DDX10: variants seen among roughly 807,000 people sequenced by gnomAD.
DDX10 encodes probable ATP-dependent RNA helicase DDX10.
A neutral mutation model predicts 104.3 loss-of-function variants in DDX10; 74 were observed. The ratio of observed to expected loss-of-function variants is 0.71; its 90% CI spans 0.59 to 0.86. The LOEUF (loss-of-function observed/expected upper bound fraction) is 0.86, where lower values mean the gene tolerates loss of function less well. Ranked by LOEUF, DDX10 falls within the 40% of genes least tolerant of loss-of-function variation. DDX10 has a pLI of 0.00. For synonymous variants in DDX10, 351 were observed against 353.4 expected (o/e 0.99, Z 0.08); for missense variants, 952 against 1,040.0 (o/e 0.92, Z 1.16).
In DDX10 at chr11:108,852,229, T is replaced by G; in HGVS notation, c.2304+20T>G. The G allele has an allele frequency of 6.3e-7, 1 of 1,597,556 alleles. No individual in the cohort carries two copies. On this transcript the variant is annotated intron_variant, in intron 16 of 17. Coordinates refer to ENST00000322536, the MANE Select transcript of DDX10 (RefSeq NM_004398.4). ...GCAAAGGTAAGGGTTTATATACATT[T>G]ATTTTTCCAAGCTCTATTAAGGTAG...
At chr11:108,809,529 A>T (rs1862148725) in intron 13 of DDX10, among the ~76,000 whole-genome samples, 1 of 152,204 alleles carries the variant, frequency 6.6e-6, no homozygotes, top group Admixed American at 6.5e-5. Flanking sequence ...AAATTAAAGG[A>T]TAGGAGTGAA....
intron 13 of DDX10, among the ~76,000 whole-genome samples, chr11:108,734,674 A>T (rs930748748): frequency 3.3e-5 from 5 of 151,946 alleles, no homozygotes; most frequent in African/African-American, 1.2e-4. Context: ...CTGAATTTTT[A>T]AATCTACTTT....
chr11:108,853,685 A>G (rs1400912754), intron 16 of DDX10, among the ~76,000 whole-genome samples: 2 of 152,136 alleles, frequency 1.3e-5, no homozygotes, highest in African/African-American at 4.8e-5. Context: ...AAAAAATGAT[A>G]AAGTTGTCAC....
At chr11:108,913,082 A>C (rs1423340175) in intron 16 of DDX10, among the ~76,000 whole-genome samples, 1 of 152,216 alleles carries the variant, frequency 6.6e-6, no homozygotes, top group Non-Finnish European at 1.5e-5. Flanking sequence ...AACATCTGAG[A>C]CAAATCTCAA....
chr11:108,843,032 T>A (rs925812831), intron 15 of DDX10, among the ~76,000 whole-genome samples: 105 of 152,390 alleles, frequency 6.9e-4, no homozygotes, highest in African/African-American at 2.4e-3. Context: ...CAAATTGTAC[T>A]TGTTTTATAC....
At chr11:108,720,722 C>T (rs1223762506) in intron 12 of DDX10, among the ~76,000 whole-genome samples, 2 of 151,992 alleles carry the variant, frequency 1.3e-5, no homozygotes, top group Non-Finnish European at 2.9e-5. Context: ...TCCTGAGTAG[C>T]TGGGACTACA....
At chr11:108,747,384 C>A (rs1423502151) in intron 13 of DDX10, among the ~76,000 whole-genome samples, 2 of 151,982 alleles carry the variant, frequency 1.3e-5, no homozygotes, top group African/African-American at 4.8e-5. Context: ...GCTCAGTTGG[C>A]CAGAGTGCAG....
chr11:108,716,523 G>A (rs1391346169), intron 11 of DDX10, among the ~76,000 whole-genome samples: 1 of 152,114 alleles, frequency 6.6e-6, no homozygotes, highest in Non-Finnish European at 1.5e-5. Flanking sequence ...ATGCACAGTG[G>A]CCTGATTTCT....
intron 13 of DDX10, among the ~76,000 whole-genome samples, chr11:108,810,494 T>A (rs546520491): frequency 1.1e-4 from 16 of 152,182 alleles, no homozygotes; most frequent in South Asian, 4.1e-4. Context: ...TGTGTGTGTG[T>A]GAGAGAGAGA....
Position 108,675,447 on chromosome 11 carries a change from T to C in DDX10, c.248-149T>C, listed in dbSNP as rs992933161. On this transcript the variant is annotated intron_variant, in intron 2 of 17. Transcript: ENST00000322536. ...GGGGCTCTAACTTAATCAACCTCTT[T>C]AAAGGCCCTGTCTCCAAGTATAGTT... 5 of 798,966 alleles carry C rather than the reference T, an allele frequency of 6.3e-6. No individual in the cohort carries two copies. The Admixed American group carries it at 9.3e-5, about 15-fold the overall frequency. The allele number at this position is 798,966 out of a possible 1,614,324, so 49.5% of individuals were successfully genotyped here. A position where few individuals can be genotyped will look rare whatever the true frequency, so the allele number is the denominator to read the frequency against.
intron 13 of DDX10, among the ~76,000 whole-genome samples, chr11:108,762,033 C>G (rs1045828450): frequency 6.6e-6 from 1 of 152,112 alleles, no homozygotes; most frequent in Non-Finnish European, 1.5e-5. Context: ...GATCAAATTG[C>G]TATTTAAGCT....
At chr11:108,754,154 G>GT (rs1336210241) in intron 13 of DDX10, among the ~76,000 whole-genome samples, 3 of 152,000 alleles carry the variant, frequency 2.0e-5, no homozygotes, top group Non-Finnish European at 1.5e-5. Context: ...ATTCTGCTGT[G>GT]TTGTCGGAAG....
chr11:108,806,347 T>G (rs1156640266), intron 13 of DDX10, among the ~76,000 whole-genome samples: 1 of 152,224 alleles, frequency 6.6e-6, no homozygotes, highest in African/African-American at 2.4e-5. Flanking sequence ...CTTAGAAGTA[T>G]GTTTGATACT....
At position 108,665,101 on chromosome 11, in the gene DDX10, C is replaced by T; in HGVS notation, c.-53C>T. On this transcript the variant is annotated 5_prime_UTR_variant, in exon 1 of 18. Transcript: ENST00000322536. The stretch of plus-strand genomic sequence containing the variant: ...TCCCATGCTGGTTCCGTGAGTCTGG[C>T]CTTAGGTGTCTCGTGTCTGGGGTTG... 4 of 1,548,760 alleles carry T rather than the reference C, an allele frequency of 2.6e-6. No homozygotes were observed. The highest frequency in any genetic ancestry group is 1.3e-5 in the South Asian group (1 of 79,950).
chr11:108,925,090 T>A (rs538063803), intron 17 of DDX10, among the ~76,000 whole-genome samples: 43 of 152,350 alleles, frequency 2.8e-4, no homozygotes, highest in African/African-American at 1.0e-3. Context: ...GTTTCTTATT[T>A]GTCAAACATT....
chr11:108,887,485 T>G (rs1360966645), intron 16 of DDX10, among the ~76,000 whole-genome samples: 1 of 148,912 alleles, frequency 6.7e-6, no homozygotes, highest in Non-Finnish European at 1.5e-5. Flanking sequence ...AAGAAAAAAC[T>G]GTGGTACAGC....
intron 13 of DDX10, among the ~76,000 whole-genome samples, chr11:108,801,211 A>G (rs575246912): frequency 6.6e-6 from 1 of 152,298 alleles, no homozygotes; most frequent in South Asian, 2.1e-4. Flanking sequence ...TATTCTAACA[A>G]TATTAGAATA....
chr11:108,825,917 A>T (rs1862389718), intron 13 of DDX10, among the ~76,000 whole-genome samples: 5 of 152,224 alleles, frequency 3.3e-5, no homozygotes, highest in Admixed American at 1.3e-4. Context: ...CTTTGGAATA[A>T]ATATGAATTA....
At chr11:108,926,283 A>G (rs1423154878) in intron 17 of DDX10, among the ~76,000 whole-genome samples, 1 of 149,640 alleles carries the variant, frequency 6.7e-6, no homozygotes, top group East Asian at 2.0e-4. Context: ...GTGTGCATGT[A>G]GCACAGACAC....
Sources: gnomAD v4.1 joint callset for allele counts (sites outside exome capture counted in the v4.1 genomes callset) on GRCh38, gnomAD v4.1.1 for gene constraint, MANE v1.5 for transcripts, NCBI Gene and HGNC (gene_info 2026-07-23, HGNC 2026-07-21) for gene names.